DPYD: variants seen among roughly 807,000 people sequenced by gnomAD.
The protein encoded by DPYD is dihydropyrimidine dehydrogenase.
DPYD carries 109 observed loss-of-function variants against 116.2 expected under a neutral mutation model. The ratio of observed to expected loss-of-function variants is 0.94; its 90% CI spans 0.80 to 1.10. DPYD has a LOEUF of 1.10. Ranked by LOEUF, DPYD falls within the 50% of genes least tolerant of loss-of-function variation. The pLI is 0.00. For missense variants in DPYD, 1,302 were observed against 1,254.5 expected (o/e 1.04, Z -0.57); for synonymous variants, 440 against 432.0 (o/e 1.02, Z -0.23).
chr1:97,648,224 T>A (rs1291721855), intron 8 of DPYD, among the ~76,000 whole-genome samples: 1 of 151,988 alleles, frequency 6.6e-6, no homozygotes, highest in Non-Finnish European at 1.5e-5. Context: ...TAAATATGGA[T>A]TCAATCAAGC....
intron 14 of DPYD, among the ~76,000 whole-genome samples, chr1:97,413,273 A>G (rs954288452): frequency 1.3e-5 from 2 of 152,166 alleles, no homozygotes; most frequent in African/African-American, 4.8e-5. Context: ...ATAGAAAAAA[A>G]TGGAGATACA....
intron 16 of DPYD, among the ~76,000 whole-genome samples, chr1:97,345,994 ATATAT>A (rs1266788174): frequency 3.9e-5 from 6 of 151,902 alleles, no homozygotes; most frequent in African/African-American, 1.2e-4. Flanking sequence ...TTTATAATAC[ATATAT>A]TAGGTAAAGT....
rs1676200943 is a variant in DPYD, at chr1:97,448,256, CA to C, written c.1905+1802del. ...ACTGAATATTTAAGGACAACATAGG[CA>C]AATGCACTGGATCAGAACAGAAGCA... On this transcript the variant is annotated intron_variant, in intron 14 of 22. Transcript: ENST00000370192. Among the ~76,000 whole-genome samples the C allele has an allele frequency of 3.9e-5, 6 of 152,196 alleles. No homozygotes were observed. The South Asian group carries it at 1.2e-3, about 32-fold the overall frequency.
At chr1:97,387,800 A>T (rs1203783427) in intron 14 of DPYD, among the ~76,000 whole-genome samples, 1 of 152,146 alleles carries the variant, frequency 6.6e-6, no homozygotes, top group Non-Finnish European at 1.5e-5. Flanking sequence ...GTGGTTGTAG[A>T]TTCATGAGAG....
rs1429163284 is a variant in DPYD, at chr1:97,677,427, T to C, written c.850+1668A>G. ...AAGCCTGATGAAATTTTTCACTTAT[T>C]ACTGACCAAGCATTTTTGATCATGT... On this transcript the variant is annotated intron_variant, in intron 8 of 22. Coordinates refer to ENST00000370192, the MANE Select transcript of DPYD (RefSeq NM_000110.4). Among the ~76,000 whole-genome samples the C allele has an allele frequency of 2.6e-5, 4 of 152,202 alleles. No homozygotes were observed. In the East Asian group the frequency reaches 5.8e-4, roughly 22 times the overall value.
At chr1:97,888,286 A>G (rs537607666) in intron 1 of DPYD, among the ~76,000 whole-genome samples, 2 of 152,056 alleles carry the variant, frequency 1.3e-5, no homozygotes, top group South Asian at 4.1e-4. Flanking sequence ...GCAAACTTAA[A>G]GACAGATCAA....
chr1:97,828,070 T>C, intron 3 of DPYD, 44 bp downstream of exon 3: 2 of 1,568,516 alleles, frequency 1.3e-6, no homozygotes, highest in Non-Finnish European at 1.8e-6. Flanking sequence ...AATGACTTTT[T>C]CTTTACCACA....
At chr1:97,524,723 T>G (rs1050749224) in intron 12 of DPYD, among the ~76,000 whole-genome samples, 2 of 152,176 alleles carry the variant, frequency 1.3e-5, no homozygotes, top group Non-Finnish European at 2.9e-5. Context: ...CAAACACCCC[T>G]AGGATGTTAT....
At chr1:97,186,764 G>A (rs1658019711) in intron 20 of DPYD, among the ~76,000 whole-genome samples, 1 of 152,068 alleles carries the variant, frequency 6.6e-6, no homozygotes, top group Non-Finnish European at 1.5e-5. Context: ...CATGAGAATC[G>A]CTTGAATCTG....
intron 19 of DPYD, 90 bp from the exon 20 acceptor site, chr1:97,193,338 T>G: frequency 7.4e-7 from 1 of 1,348,296 alleles, no homozygotes; most frequent in Non-Finnish European, 1.0e-6. Context: ...AAATATTTAT[T>G]TTATGTGCCA....
At chr1:97,680,674 C>T (rs1007707951) in intron 7 of DPYD, among the ~76,000 whole-genome samples, 2 of 152,112 alleles carry the variant, frequency 1.3e-5, no homozygotes, top group Non-Finnish European at 2.9e-5. Flanking sequence ...GGACATCCCA[C>T]AGAACGTCAC....
At chr1:97,220,871 C>G (rs1660729942) in intron 19 of DPYD, among the ~76,000 whole-genome samples, 1 of 152,126 alleles carries the variant, frequency 6.6e-6, no homozygotes, top group Non-Finnish European at 1.5e-5. Flanking sequence ...ACACATGCAT[C>G]TTCTGATTTT....
At chr1:97,465,811 C>G (rs1408963209) in intron 13 of DPYD, among the ~76,000 whole-genome samples, 1 of 152,280 alleles carries the variant, frequency 6.6e-6, no homozygotes, top group African/African-American at 2.4e-5. Context: ...GCTCGATTAT[C>G]TTGGGCACAA....
intron 20 of DPYD, among the ~76,000 whole-genome samples, chr1:97,121,017 T>C (rs756829002): frequency 2.3e-4 from 35 of 152,168 alleles, no homozygotes; most frequent in Non-Finnish European, 8.8e-5. Context: ...CAGGGGATCA[T>C]AAAATAACTC....
chr1:97,542,239 A>G (rs1482105635), intron 12 of DPYD, among the ~76,000 whole-genome samples: 2 of 152,158 alleles, frequency 1.3e-5, no homozygotes, highest in African/African-American at 2.4e-5. Flanking sequence ...TGTCCACCCT[A>G]TGCTTTTTGG....
At chr1:97,344,124 C>A (rs1383958571) in intron 16 of DPYD, among the ~76,000 whole-genome samples, 1 of 150,446 alleles carries the variant, frequency 6.6e-6, no homozygotes, top group Non-Finnish European at 1.5e-5. Context: ...GAAAAGGAAC[C>A]CTAGATTAAG....
At position 97,721,470 on chromosome 1, in the gene DPYD, T is replaced by C. The variant is rs1294229966; in HGVS notation, c.483+40A>G. The C allele has an allele frequency of 1.9e-6, 3 of 1,607,848 alleles. No individual in the cohort carries two copies. The South Asian group carries it at 3.3e-5, about 18-fold the overall frequency. The stretch of plus-strand genomic sequence containing the variant: ...GTTATTTTAAGATATTTGTGCATGG[T>C]GATGGTAGTGGGGGGATGTCACGTG... On this transcript the variant is annotated intron_variant, in intron 5 of 22. Transcript: ENST00000370192.
intron 4 of DPYD, among the ~76,000 whole-genome samples, chr1:97,734,843 A>G (rs1405084468): frequency 6.6e-6 from 1 of 152,176 alleles, no homozygotes; most frequent in Non-Finnish European, 1.5e-5. Context: ...AGGCCCACCT[A>G]AAGTCTGAGT....
At chr1:97,676,195 T>C (rs181083163) in intron 8 of DPYD, among the ~76,000 whole-genome samples, 6 of 152,276 alleles carry the variant, frequency 3.9e-5, no homozygotes, top group South Asian at 4.1e-4. Context: ...TTCATTTCTA[T>C]CCTCTCTCAA....
Sources: allele counts gnomAD v4.1 joint callset (sites outside exome capture counted in the v4.1 genomes callset), GRCh38; gene constraint gnomAD v4.1.1; transcripts MANE v1.5; gene names NCBI Gene and HGNC (gene_info 2026-07-23, HGNC 2026-07-21).